Variants in GALNT10 observed in about 807,000 individuals in gnomAD.
GALNT10 encodes the protein GalNAc transferase 10.
In GALNT10, 41 loss-of-function variants were observed where a neutral mutation model predicts 75.0. The observed-to-expected ratio is 0.55, with a 90% confidence interval of 0.43 to 0.71. The LOEUF is 0.71. Ranked by LOEUF, GALNT10 falls within the 30% of genes least tolerant of loss-of-function variation. The pLI, the probability that GALNT10 is intolerant of heterozygous loss-of-function variation, is 0.00. For missense variants in GALNT10, 727 were observed against 818.5 expected (o/e 0.89, Z 1.36); for synonymous variants, 302 against 313.0 (o/e 0.96, Z 0.37).
At chr5:154,345,098 G>T (rs73283319) in intron 4 of GALNT10, among the ~76,000 whole-genome samples, 3,281 of 152,118 alleles carry the variant, frequency 0.022, 95 homozygotes, top group African/African-American at 0.073. Context: ...TTTGTTCCTT[G>T]GCTGACTTAA....
Position 154,395,507 on chromosome 5 carries a change from A to G in GALNT10, c.1057-8597A>G, listed in dbSNP as rs188253993. ...GCCTGGAACATAATAAATGTTCGCT[A>G]AATGATAGCTGTTAATGTCAGCATG... On this transcript the variant is annotated intron_variant, in intron 7 of 11. Transcript: ENST00000297107. Among the ~76,000 whole-genome samples, 58 of 152,374 alleles carry G rather than the reference A, an allele frequency of 3.8e-4. 1 individual carries two copies. The highest frequency in any genetic ancestry group is 1.0e-3 in the African/African-American group (42 of 41,596).
chr5:154,395,410 G>A (rs2351477), intron 7 of GALNT10, among the ~76,000 whole-genome samples: 67,644 of 152,122 alleles, frequency 0.44, 17,509 homozygotes, highest in African/African-American at 0.71. Context: ...TTTAGGGGAT[G>A]GAATAATCTT....
intron 8 of GALNT10, 26 bp downstream of exon 8, chr5:154,404,237 G>A: frequency 6.9e-7 from 1 of 1,456,182 alleles, no homozygotes; most frequent in Non-Finnish European, 9.4e-7. Context: ...TCCTTGGCGG[G>A]TAGAAGGGGT....
chr5:154,361,460 G>A (rs575473910), intron 4 of GALNT10, among the ~76,000 whole-genome samples: 131 of 152,362 alleles, frequency 8.6e-4, no homozygotes, highest in African/African-American at 3.0e-3. Flanking sequence ...GCCTGGTGCA[G>A]AGTACACTCT....
rs202216584 is a variant in GALNT10 at position 154,386,422 on chromosome 5, T to G, written c.1048T>G (p.Ser350Ala). 8.1e-5 allele frequency: 130 copies of G among 1,601,026 alleles called. No homozygotes were observed. The highest frequency in any genetic ancestry group is 1.1e-4 in the Non-Finnish European group (124 of 1,168,134). ...EIWGGEQYEI[S>A]FKVWMCGGRM... The stretch of plus-strand genomic sequence containing the variant: ...CTGGGGAGGGGAGCAGTATGAAATC[T>G]CCTTCAAGGTGAGCCAGCTCTCCAG... The change falls in exon 7 of 12, where the codon TCC becomes GCC. Residue 350 changes from serine (S) to alanine (A), a missense_variant. By Grantham distance (99) the Ser-to-Ala change is moderately conservative. Coordinates refer to ENST00000297107, the MANE Select transcript of GALNT10 (RefSeq NM_198321.4).
chr5:154,359,567 A>G (rs887499505), intron 4 of GALNT10, among the ~76,000 whole-genome samples: 1 of 151,378 alleles, frequency 6.6e-6, no homozygotes, highest in African/African-American at 2.4e-5. Flanking sequence ...GAGAGAGAAA[A>G]GAAAAAACAC....
rs745580007 is a variant in GALNT10, at chr5:154,415,855, G to A, written c.1576G>A (p.Ala526Thr). ...GCACACCAAGAAGTTCTGCTTTGAT[G>A]CCATTTCCCACACCAGCCCTGTCAC... ...PQHTKKFCFD[A>T]ISHTSPVTLY... Residue 526 changes from alanine (A) to threonine (T), a missense_variant, in exon 11 of 12, where the codon GCC (alanine) becomes ACC (threonine). By Grantham distance (58) the Ala-to-Thr change is moderately conservative (BLOSUM62 0). Transcript: ENST00000297107. 6 of 1,614,012 alleles carry A rather than the reference G, an allele frequency of 3.7e-6. No individual in the cohort carries two copies. The highest frequency in any genetic ancestry group is 5.1e-6 in the Non-Finnish European group (6 of 1,180,016).
intron 3 of GALNT10, among the ~76,000 whole-genome samples, chr5:154,304,880 AC>A (rs1470957456): frequency 2.0e-5 from 3 of 152,232 alleles, no homozygotes; most frequent in African/African-American, 7.2e-5. Context: ...CATACTATAA[AC>A]CCTAAAGCAA....
intron 3 of GALNT10, among the ~76,000 whole-genome samples, chr5:154,322,233 T>A (rs1424797767): frequency 2.0e-5 from 3 of 152,136 alleles, no homozygotes; most frequent in African/African-American, 7.2e-5. Context: ...GGTTGAGGAC[T>A]GAGGCTCCTG....
intron 4 of GALNT10, chr5:154,347,342 A>G (rs1457542945): frequency 2.4e-6 from 1 of 412,982 alleles, no homozygotes; most frequent in Admixed American, 3.8e-5. Flanking sequence ...GTTACCTCCT[A>G]TGTGGTGATA....
intron 1 of GALNT10, among the ~76,000 whole-genome samples, chr5:154,250,291 C>T (rs558813073): frequency 6.6e-6 from 1 of 152,128 alleles, no homozygotes; most frequent in Admixed American, 6.6e-5. Flanking sequence ...AGTCTTACTT[C>T]CAATTGTCTA....
chr5:154,208,026 A>G (rs1416494836), intron 1 of GALNT10, among the ~76,000 whole-genome samples: 1 of 152,170 alleles, frequency 6.6e-6, no homozygotes, highest in African/African-American at 2.4e-5. Flanking sequence ...TGCTCCCAGG[A>G]CAGCTCTCGA....
At chr5:154,289,811 T>G (rs1228898369) in intron 1 of GALNT10, among the ~76,000 whole-genome samples, 1 of 152,200 alleles carries the variant, frequency 6.6e-6, no homozygotes, top group Non-Finnish European at 1.5e-5. Flanking sequence ...AGAACCACCT[T>G]TTGAAAGAGA....
intron 4 of GALNT10, among the ~76,000 whole-genome samples, chr5:154,366,358 A>T (rs868730284): frequency 2.0e-5 from 3 of 152,224 alleles, no homozygotes; most frequent in South Asian, 4.1e-4. Context: ...CATATAAAAC[A>T]GCTGTTTCAT....
chr5:154,211,764 C>A (rs1182661454), intron 1 of GALNT10, among the ~76,000 whole-genome samples: 1 of 152,036 alleles, frequency 6.6e-6, no homozygotes, highest in Admixed American at 6.6e-5. Flanking sequence ...CCTTGGCAGC[C>A]GGAAGGAGAC....
chr5:154,318,392 C>CT (rs1293846877), intron 3 of GALNT10, among the ~76,000 whole-genome samples: 1 of 151,984 alleles, frequency 6.6e-6, no homozygotes, highest in Non-Finnish European at 1.5e-5. Context: ...GCTAGTCATT[C>CT]TTTTTTGCTG....
chr5:154,394,892 CA>C (rs1300495062), intron 7 of GALNT10, among the ~76,000 whole-genome samples: 16 of 152,238 alleles, frequency 1.1e-4, no homozygotes, highest in Non-Finnish European at 2.9e-5. Flanking sequence ...ATACATGCAG[CA>C]TTTTCGTCCT....
chr5:154,192,276 G>A (rs1329102170), intron 1 of GALNT10, among the ~76,000 whole-genome samples: 2 of 152,234 alleles, frequency 1.3e-5, no homozygotes, highest in Non-Finnish European at 2.9e-5. Flanking sequence ...CTGTAACTCT[G>A]TTAATTGCTG....
intron 1 of GALNT10, among the ~76,000 whole-genome samples, chr5:154,223,601 A>G (rs1753016487): frequency 6.6e-6 from 1 of 152,246 alleles, no homozygotes; most frequent in Non-Finnish European, 1.5e-5. Context: ...CCTTGGCAAC[A>G]AAGATGACAG....
Sources: allele counts gnomAD v4.1 joint callset (sites outside exome capture counted in the v4.1 genomes callset), GRCh38; gene constraint gnomAD v4.1.1; transcripts MANE v1.5; gene names NCBI Gene and HGNC (gene_info 2026-07-23, HGNC 2026-07-21).